FANCC: variants seen among roughly 807,000 people sequenced by gnomAD.
FANCC encodes the protein Fanconi anemia group C protein.
A neutral mutation model predicts 71.3 loss-of-function variants in FANCC; 55 were observed. That is an observed-to-expected ratio of 0.77 (90% confidence interval 0.62 to 0.97). FANCC has a LOEUF of 0.97. Ranked by LOEUF, FANCC falls within the 50% of genes least tolerant of loss-of-function variation. The probability of loss-of-function intolerance (pLI) is 0.00; values close to 1 mark genes in which losing one functional copy is unlikely to be tolerated. For missense variants in FANCC, 678 were observed against 670.9 expected (o/e 1.01, Z -0.12); for synonymous variants, 275 against 244.9 (o/e 1.12, Z -1.15).
intron 4 of FANCC, among the ~76,000 whole-genome samples, chr9:95,204,194 C>T (rs73534877): frequency 0.018 from 2,724 of 152,284 alleles, 31 homozygotes; most frequent in Middle Eastern, 0.1. Context: ...AAACATTGAT[C>T]CTTTAATTTC....
intron 6 of FANCC, among the ~76,000 whole-genome samples, chr9:95,155,891 G>GTTT (rs1564703706): frequency 8.6e-5 from 3 of 34,716 alleles, no homozygotes; most frequent in African/African-American, 3.8e-4. Context: ...GCTTTTTTTG[G>GTTT]GTTTTTTTTT....
At chr9:95,288,018 C>G (rs896850471) in intron 1 of FANCC, among the ~76,000 whole-genome samples, 3 of 152,116 alleles carry the variant, frequency 2.0e-5, no homozygotes, top group Non-Finnish European at 2.9e-5. Flanking sequence ...TAATTTATCC[C>G]AAGACCTCTG....
chr9:95,310,687 G>A (rs1297577716), intron 1 of FANCC, among the ~76,000 whole-genome samples: 1 of 152,124 alleles, frequency 6.6e-6, no homozygotes, highest in Non-Finnish European at 1.5e-5. Context: ...ACCCCCAGGA[G>A]CTAGAGGTAG....
At chr9:95,306,322 T>C (rs534593404) in intron 1 of FANCC, among the ~76,000 whole-genome samples, 1 of 152,308 alleles carries the variant, frequency 6.6e-6, no homozygotes, top group Admixed American at 6.5e-5. Context: ...TGGATCTAAT[T>C]TGTTTGCTGG....
At position 95,210,949 on chromosome 9, in the gene FANCC, A is replaced by AAT. The variant is rs1828457142; in HGVS notation, c.345+29698_345+29699dup. On this transcript the variant is annotated intron_variant, in intron 4 of 14. Coordinates refer to ENST00000289081, the MANE Select transcript of FANCC (RefSeq NM_000136.3). ...TTTTACCAAGGTCAAGTAGCATATTAATATATATACTAACCTCTAACACTA... is the reference window on the plus strand; with the variant it reads ...TTTTACCAAGGTCAAGTAGCATATTAATATATATATACTAACCTCTAACACTA... Among the ~76,000 whole-genome samples the AAT allele has an allele frequency of 2.0e-5, 3 of 152,198 alleles. No homozygotes were observed. The South Asian group carries it at 6.2e-4, about 32-fold the overall frequency.
At position 95,248,172 on chromosome 9, in the gene FANCC, C is replaced by T. The variant is rs4647416; in HGVS notation, c.166-656G>A. On this transcript the variant is annotated intron_variant, in intron 2 of 14. Transcript: ENST00000289081. ...ACACACATGCATGCTATTGTACAAC[C>T]GGACCTTTTTCCACTTGTTACCTTT... Among the ~76,000 whole-genome samples the T allele has an allele frequency of 7.0e-3, 1,071 of 152,232 alleles. 56 individuals carry two copies. In the East Asian group the frequency reaches 0.13, roughly 18 times the overall value.
intron 4 of FANCC, among the ~76,000 whole-genome samples, chr9:95,176,742 G>C (rs1406612616): frequency 6.6e-6 from 1 of 152,254 alleles, no homozygotes; most frequent in Non-Finnish European, 1.5e-5. Flanking sequence ...TAGAGCGCAA[G>C]GCGCTACAAA....
At position 95,241,778 on chromosome 9, in the gene FANCC, G is replaced by A. The variant is rs545292603; in HGVS notation, c.251-1035C>T. On this transcript the variant is annotated intron_variant, in intron 3 of 14. Transcript: ENST00000289081. ...GGGCTCCAGCGATTCTCCCACCTCA[G>A]CCTCCTGAGTAGCTGGGACCACAGG... 2.0e-5 allele frequency among the ~76,000 whole-genome samples: 3 copies of A among 152,252 alleles called. No individual in the cohort carries two copies. The South Asian group carries it at 6.2e-4, about 32-fold the overall frequency.
At chr9:95,182,732 G>A (rs1462186065) in intron 4 of FANCC, among the ~76,000 whole-genome samples, 1 of 152,118 alleles carries the variant, frequency 6.6e-6, no homozygotes, top group Non-Finnish European at 1.5e-5. Flanking sequence ...TGTGGGAACA[G>A]AGCAAGGAGA....
At chr9:95,292,154 T>TA (rs1048985426) in intron 1 of FANCC, among the ~76,000 whole-genome samples, 7 of 149,186 alleles carry the variant, frequency 4.7e-5, no homozygotes, top group African/African-American at 1.7e-4. Flanking sequence ...AGAACACACT[T>TA]ACAGTCAACT....
chr9:95,175,688 G>T (rs1031948643), intron 4 of FANCC, among the ~76,000 whole-genome samples: 1 of 152,248 alleles, frequency 6.6e-6, no homozygotes, highest in Non-Finnish European at 1.5e-5. Flanking sequence ...CTTACTGCTG[G>T]ACTCCACTGA....
At chr9:95,265,586 C>T (rs550379273) in intron 1 of FANCC, among the ~76,000 whole-genome samples, 2 of 152,272 alleles carry the variant, frequency 1.3e-5, no homozygotes, top group Admixed American at 1.3e-4. Flanking sequence ...CTTGTCCTCA[C>T]TTCACTTACC....
chr9:95,120,552 T>C (rs2072794805), intron 10 of FANCC, among the ~76,000 whole-genome samples: 1 of 151,998 alleles, frequency 6.6e-6, no homozygotes, highest in Admixed American at 6.6e-5. Flanking sequence ...TAGCCGGGAC[T>C]ACAGGCATGC....
At chr9:95,119,475 C>T (rs941380270) in intron 10 of FANCC, among the ~76,000 whole-genome samples, 1 of 151,730 alleles carries the variant, frequency 6.6e-6, no homozygotes, top group Non-Finnish European at 1.5e-5. Flanking sequence ...AAGCGATTCT[C>T]CTGCCTCAGC....
intron 4 of FANCC, among the ~76,000 whole-genome samples, chr9:95,215,188 A>G (rs1828781935): frequency 6.6e-6 from 1 of 152,252 alleles, no homozygotes; most frequent in South Asian, 2.1e-4. Context: ...CTGCTTCTGC[A>G]GTAATAACTA....
In FANCC at chr9:95,240,227, T is replaced by C. The variant is rs548950131; in HGVS notation, c.345+422A>G. On this transcript the variant is annotated intron_variant, in intron 4 of 14. Transcript: ENST00000289081. ...CTTCGGGACACAAAATAAAGAGTGC[T>C]GCTCCCGCCGCACTGCTGAATTTTC... Among the ~76,000 whole-genome samples, 4 of 152,322 alleles carry C rather than the reference T, an allele frequency of 2.6e-5. No individual in the cohort carries two copies. The South Asian group carries it at 8.3e-4, about 32-fold the overall frequency.
chr9:95,269,061 CTCTT>C (rs1832571016), intron 1 of FANCC, among the ~76,000 whole-genome samples: 3 of 152,134 alleles, frequency 2.0e-5, no homozygotes, highest in African/African-American at 7.2e-5. Flanking sequence ...TTGGCTGTGT[CTCTT>C]TCTTTTAAAA....
intron 12 of FANCC, chr9:95,113,991 G>C (rs2072184909): frequency 6.3e-6 from 1 of 159,808 alleles, no homozygotes; most frequent in African/African-American, 2.4e-5. Context: ...AGGAGTCTGA[G>C]TGGGAGGATC....
At chr9:95,312,149 C>T (rs1329431156) in intron 1 of FANCC, among the ~76,000 whole-genome samples, 1 of 152,188 alleles carries the variant, frequency 6.6e-6, no homozygotes, top group Non-Finnish European at 1.5e-5. Flanking sequence ...TACATACTCT[C>T]ACACAAACGT....
Sources: gnomAD v4.1 joint callset for allele counts (sites outside exome capture counted in the v4.1 genomes callset) on GRCh38, gnomAD v4.1.1 for gene constraint, MANE v1.5 for transcripts, NCBI Gene and HGNC (gene_info 2026-07-23, HGNC 2026-07-21) for gene names.